The following GBP7 variants were observed in gnomAD, a reference collection of about 807,000 sequenced individuals.
The protein encoded by GBP7 is guanylate binding protein 7, also known as guanylate-binding protein 7.
GBP7 carries 43 observed loss-of-function variants against 61.3 expected under a neutral mutation model. That is an observed-to-expected ratio of 0.70 (90% confidence interval 0.55 to 0.91). The LOEUF (loss-of-function observed/expected upper bound fraction) is 0.91. GBP7 is among the 40% of genes least tolerant of loss of function. The pLI, the probability that GBP7 is intolerant of heterozygous loss-of-function variation, is 0.00. For synonymous variants in GBP7, 267 were observed against 271.0 expected (o/e 0.99, Z 0.14); for missense variants, 717 against 740.5 (o/e 0.97, Z 0.37).
chr1:89,155,285 G>T (rs922211771), intron 3 of GBP7, among the ~76,000 whole-genome samples: 2 of 152,170 alleles, frequency 1.3e-5, no homozygotes, highest in African/African-American at 4.8e-5. Context: ...CTAAAAATCA[G>T]AGCACCCCTT....
At chr1:89,140,449 T>TA (rs1334408383) in intron 9 of GBP7, among the ~76,000 whole-genome samples, 11 of 73,590 alleles carry the variant, frequency 1.5e-4, no homozygotes, top group South Asian at 4.2e-4. Flanking sequence ...ATAATAATAA[T>TA]AAAAAAAACT....
intron 3 of GBP7, among the ~76,000 whole-genome samples, chr1:89,163,531 T>G (rs1248004571): frequency 6.6e-6 from 1 of 152,150 alleles, no homozygotes; most frequent in Non-Finnish European, 1.5e-5. Context: ...GTCCATTTTG[T>G]GTAGATTGTC....
At chr1:89,149,902 T>C (rs988331180) in intron 6 of GBP7, among the ~76,000 whole-genome samples, 2 of 152,178 alleles carry the variant, frequency 1.3e-5, no homozygotes, top group African/African-American at 4.8e-5. Flanking sequence ...AAAGCGTTTA[T>C]TCAGCAAAGT....
In GBP7 at chr1:89,147,735, T is replaced by C. The variant is rs200166044; in HGVS notation, c.1197A>G (p.Glu399=). 2.2e-5 allele frequency: 36 copies of C among 1,614,192 alleles called. No homozygotes were observed. The East Asian group carries it at 7.6e-4, about 34-fold the overall frequency. The change falls in exon 8 of 11, where the codon GAA becomes GAG. Residue 399 remains glutamate, a synonymous_variant. Transcript: ENST00000294671. ...CCTGACAATATTTGGCAGATGCCTC[T>C]TCATTCTGCAGCACAAAGTCTTCCT... ...KKKEDFVLQN[E]EASAKYCQAE...
chr1:89,132,936 G>A (rs371773967), intron 10 of GBP7, among the ~76,000 whole-genome samples: 1 of 152,152 alleles, frequency 6.6e-6, no homozygotes, highest in African/African-American at 2.4e-5. Context: ...TCCTTTTGAT[G>A]GTTGTGCCAA....
At chr1:89,139,415 C>G (rs1056229602) in intron 9 of GBP7, among the ~76,000 whole-genome samples, 1 of 152,212 alleles carries the variant, frequency 6.6e-6, no homozygotes, top group South Asian at 2.1e-4. Flanking sequence ...ACACCAAAAG[C>G]AATGGCAACA....
In GBP7 at chr1:89,135,176, A is replaced by C. The variant is rs148844944; in HGVS notation, c.1469-1725T>G. Reference sequence around the variant, plus strand: ...AAAAAGAATAAAAAAGAATGAACAAAATCTCAGAGAAATATGAGATTACAT... The same window carrying C: ...AAAAAGAATAAAAAAGAATGAACAACATCTCAGAGAAATATGAGATTACAT... On this transcript the variant is annotated intron_variant, in intron 9 of 10. Transcript: ENST00000294671. Among the ~76,000 whole-genome samples, 17 of 152,310 alleles carry C rather than the reference A, an allele frequency of 1.1e-4. No homozygotes were observed. In the East Asian group the frequency reaches 3.3e-3, roughly 29 times the overall value.
At position 89,152,762 on chromosome 1, in the gene GBP7, C is replaced by CA. The variant is rs762166862; in HGVS notation, c.333dup (p.Asp112Ter). ...ACAGCCAGGGCAAAGATCCACGAGT[C>CA]ACTCTTAGGGTCACTCTAGTGTTAA... On this transcript the variant is annotated frameshift_variant, in exon 4 of 11. Transcript: ENST00000294671. LOFTEE classifies it high-confidence loss of function. 1 of 1,582,060 alleles carries CA rather than the reference C, an allele frequency of 6.3e-7. No individual in the cohort carries two copies. Among genetic ancestry groups the CA allele is most frequent in the Non-Finnish European group, 8.7e-7 (1 of 1,156,058 alleles).
At chr1:89,175,516 G>A (rs967089846) in intron 1 of GBP7, among the ~76,000 whole-genome samples, 2 of 152,200 alleles carry the variant, frequency 1.3e-5, no homozygotes, top group Non-Finnish European at 2.9e-5. Context: ...GCACAAAGAT[G>A]TTATAAGGTC....
intron 5 of GBP7, 58 bp downstream of exon 5, chr1:89,152,210 G>A: frequency 6.6e-7 from 1 of 1,508,738 alleles, no homozygotes; most frequent in Non-Finnish European, 9.1e-7. Context: ...TGAACGGTAG[G>A]TCCTAGTTGA....
intron 2 of GBP7, 58 bp downstream of exon 2, chr1:89,171,688 A>G: frequency 6.7e-7 from 1 of 1,486,962 alleles, no homozygotes; most frequent in Non-Finnish European, 9.3e-7. Context: ...TTCATACTAG[A>G]TACTGACTGT....
chr1:89,164,160 G>A (rs188534190), intron 3 of GBP7, among the ~76,000 whole-genome samples: 7 of 152,246 alleles, frequency 4.6e-5, no homozygotes, highest in East Asian at 1.9e-4. Flanking sequence ...GTGAGCCACC[G>A]TGCCCGGCTA....
chr1:89,140,772 C>G (rs116404643), intron 9 of GBP7, among the ~76,000 whole-genome samples: 3,004 of 152,268 alleles, frequency 0.02, 95 homozygotes, highest in African/African-American at 0.067. Context: ...TGCACTATTT[C>G]CAATACCAAA....
intron 1 of GBP7, among the ~76,000 whole-genome samples, chr1:89,172,765 T>TA (rs898488679): frequency 1.3e-5 from 2 of 151,860 alleles, no homozygotes; most frequent in Non-Finnish European, 2.9e-5. Flanking sequence ...TCATACTTTT[T>TA]TTTTTTTCAG....
intron 3 of GBP7, among the ~76,000 whole-genome samples, chr1:89,156,786 T>G (rs930725312): frequency 2.2e-4 from 34 of 152,198 alleles, no homozygotes; most frequent in African/African-American, 7.0e-4. Flanking sequence ...CTGTCAACGT[T>G]AGACAGATCA....
intron 3 of GBP7, among the ~76,000 whole-genome samples, chr1:89,158,257 C>A (rs1370456328): frequency 6.6e-6 from 1 of 152,228 alleles, no homozygotes; most frequent in Non-Finnish European, 1.5e-5. Context: ...CAACATCATA[C>A]TGAATGGGCA....
intron 9 of GBP7, among the ~76,000 whole-genome samples, chr1:89,134,755 CAG>C (rs1427255495): frequency 6.6e-6 from 1 of 152,170 alleles, no homozygotes; most frequent in Non-Finnish European, 1.5e-5. Context: ...GAGAAAGAAA[CAG>C]GGACAGAACT....
intron 3 of GBP7, among the ~76,000 whole-genome samples, chr1:89,155,414 A>G (rs1464378976): frequency 1.3e-5 from 2 of 152,218 alleles, no homozygotes; most frequent in Non-Finnish European, 2.9e-5. Flanking sequence ...TCTCCAAGCT[A>G]AAGGAGGATG....
chr1:89,139,301 G>A (rs1444994255), intron 9 of GBP7, among the ~76,000 whole-genome samples: 1 of 152,124 alleles, frequency 6.6e-6, no homozygotes, highest in African/African-American at 2.4e-5. Flanking sequence ...AATTCAAGAT[G>A]GATTAAAGAC....
Sources: allele counts gnomAD v4.1 joint callset (sites outside exome capture counted in the v4.1 genomes callset), GRCh38; gene constraint gnomAD v4.1.1; transcripts MANE v1.5; gene names NCBI Gene and HGNC (gene_info 2026-07-23, HGNC 2026-07-21).